DEUP1: variants seen among roughly 807,000 people sequenced by gnomAD.
DEUP1 encodes the protein coiled-coil domain containing 67.
In DEUP1, 82 loss-of-function variants were observed where a neutral mutation model predicts 87.4. The observed-to-expected ratio is 0.94, with a 90% CI of 0.78 to 1.13. The LOEUF (loss-of-function observed/expected upper bound fraction) is 1.13, where lower values mean the gene tolerates loss of function less well. Among genes scored for constraint, DEUP1 ranks in the 50% most tolerant of loss-of-function variants. The probability of loss-of-function intolerance (pLI) is 0.00; values close to 1 mark genes in which losing one functional copy is unlikely to be tolerated. For missense variants in DEUP1, 663 were observed against 681.5 expected (o/e 0.97, Z 0.30); for synonymous variants, 214 against 222.7 (o/e 0.96, Z 0.35).
At chr11:93,428,004 G>T (rs532301599) in intron 13 of DEUP1, among the ~76,000 whole-genome samples, 233 of 151,618 alleles carry the variant, frequency 1.5e-3, no homozygotes, top group Middle Eastern at 3.4e-3. Context: ...GGAGAAATAG[G>T]AACACTTTTA....
chr11:93,369,002 C>G (rs1447572476), intron 5 of DEUP1, among the ~76,000 whole-genome samples: 1 of 152,018 alleles, frequency 6.6e-6, no homozygotes, highest in Non-Finnish European at 1.5e-5. Context: ...AACACACACA[C>G]ACACTCGGGA....
chr11:93,374,230 G>T (rs186160973), intron 7 of DEUP1, among the ~76,000 whole-genome samples: 6 of 152,124 alleles, frequency 3.9e-5, no homozygotes, highest in Non-Finnish European at 4.4e-5. Context: ...CCACTCTGTG[G>T]GTTATGTGTT....
intron 2 of DEUP1, among the ~76,000 whole-genome samples, chr11:93,353,563 C>A (rs1004047420): frequency 6.6e-6 from 1 of 152,222 alleles, no homozygotes. Flanking sequence ...AGCAGAGGTT[C>A]TCTGTGAGGG....
intron 7 of DEUP1, chr11:93,383,682 G>A: frequency 1.6e-6 from 1 of 608,864 alleles, no homozygotes; most frequent in Non-Finnish European, 2.9e-6. Flanking sequence ...TGAATATTCA[G>A]TATATCTATA....
intron 2 of DEUP1, among the ~76,000 whole-genome samples, chr11:93,335,417 G>A (rs952639259): frequency 2.6e-5 from 4 of 152,134 alleles, no homozygotes; most frequent in South Asian, 2.1e-4. Context: ...CATTTTAATT[G>A]TTGTTATTAT....
chr11:93,360,960 A>T (rs1004238848), intron 4 of DEUP1, among the ~76,000 whole-genome samples: 4 of 151,914 alleles, frequency 2.6e-5, no homozygotes, highest in African/African-American at 9.7e-5. Context: ...GTGAACTTCA[A>T]ACAGGATAAA....
chr11:93,376,760 A>G (rs1946060960), intron 7 of DEUP1, among the ~76,000 whole-genome samples: 1 of 152,192 alleles, frequency 6.6e-6, no homozygotes, highest in South Asian at 2.1e-4. Context: ...ATTCAATGCT[A>G]TGAACTTTCC....
intron 2 of DEUP1, among the ~76,000 whole-genome samples, chr11:93,349,098 C>T (rs1458293408): frequency 6.6e-6 from 1 of 152,128 alleles, no homozygotes; most frequent in Non-Finnish European, 1.5e-5. Flanking sequence ...ATATATTCAT[C>T]AGTCTTTTAT....
At chr11:93,403,728 CT>C (rs1350111177) in intron 11 of DEUP1, among the ~76,000 whole-genome samples, 1 of 150,006 alleles carries the variant, frequency 6.7e-6, no homozygotes, top group African/African-American at 2.4e-5. Flanking sequence ...TTTGGTTATC[CT>C]TTCTCAATGA....
Position 93,394,655 on chromosome 11 carries a change from A to T in DEUP1, c.1238A>T (p.Lys413Met), listed in dbSNP as rs953594461. The T allele has an allele frequency of 1.9e-6, 3 of 1,606,586 alleles. No homozygotes were observed. Among genetic ancestry groups the T allele is most frequent in the Non-Finnish European group, 2.6e-6 (3 of 1,176,168 alleles). The change falls in exon 10 of 14, where the codon AAG (lysine) becomes ATG (methionine). Residue 413 changes from lysine to methionine, a missense_variant and splice_region_variant. Lys to Met is a moderately conservative substitution (Grantham distance 95). Transcript: ENST00000298050. ...AAAGAAAAAATGTTAGCAAAACAAA[A>T]GGTATGCAAGCAGGCAGAATAGCAC... ...EIKEKMLAKQ[K>M]VSDMKYKAVR...
At chr11:93,399,876 G>C (rs1947063402) in intron 11 of DEUP1, among the ~76,000 whole-genome samples, 1 of 151,754 alleles carries the variant, frequency 6.6e-6, no homozygotes, top group South Asian at 2.1e-4. Flanking sequence ...AATAATTATA[G>C]TGCTTGCTGG....
At chr11:93,360,783 A>G (rs1166398333) in intron 4 of DEUP1, among the ~76,000 whole-genome samples, 1 of 151,942 alleles carries the variant, frequency 6.6e-6, no homozygotes, top group Non-Finnish European at 1.5e-5. Context: ...CCTTGGGGAC[A>G]TGTAGTATGA....
chr11:93,406,036 C>T (rs555677876), intron 11 of DEUP1, among the ~76,000 whole-genome samples: 1 of 152,070 alleles, frequency 6.6e-6, no homozygotes, highest in South Asian at 2.1e-4. Flanking sequence ...GAGCATTTTT[C>T]ATGAGTTTTT....
At chr11:93,384,519 G>A (rs1024697610) in intron 7 of DEUP1, among the ~76,000 whole-genome samples, 2 of 152,090 alleles carry the variant, frequency 1.3e-5, no homozygotes, top group South Asian at 4.1e-4. Context: ...CTTCTAATGG[G>A]TCCTTGCCAA....
chr11:93,415,778 G>A (rs887481506), intron 13 of DEUP1, among the ~76,000 whole-genome samples: 14 of 151,636 alleles, frequency 9.2e-5, no homozygotes, highest in Non-Finnish European at 1.8e-4. Flanking sequence ...TTGTTTTTTA[G>A]ATTGATCATC....
chr11:93,414,871 C>T (rs1340503249), intron 12 of DEUP1, 129 bp from the exon 13 acceptor site: 11 of 438,770 alleles, frequency 2.5e-5, no homozygotes, highest in African/African-American at 2.0e-4. Flanking sequence ...AAGAAACACC[C>T]AGGTAACAAG....
intron 13 of DEUP1, among the ~76,000 whole-genome samples, chr11:93,430,503 A>C (rs1390725284): frequency 6.6e-6 from 1 of 152,216 alleles, no homozygotes; most frequent in Non-Finnish European, 1.5e-5. Context: ...TATATTGTAT[A>C]ATTCCATGTA....
chr11:93,365,218 C>T (rs918483981), intron 5 of DEUP1, among the ~76,000 whole-genome samples: 2 of 151,950 alleles, frequency 1.3e-5, no homozygotes, highest in South Asian at 2.1e-4. Context: ...AAATTAAATC[C>T]GGGATCACAG....
At chr11:93,379,694 T>C (rs1321143608) in intron 7 of DEUP1, among the ~76,000 whole-genome samples, 1 of 152,192 alleles carries the variant, frequency 6.6e-6, no homozygotes, top group Non-Finnish European at 1.5e-5. Flanking sequence ...CAACAGGATG[T>C]AACTTACCAC....
Sources: gnomAD v4.1 joint callset for allele counts (sites outside exome capture counted in the v4.1 genomes callset) on GRCh38, gnomAD v4.1.1 for gene constraint, MANE v1.5 for transcripts, NCBI Gene and HGNC (gene_info 2026-07-23, HGNC 2026-07-21) for gene names.